Variants in RASL11B observed in about 807,000 individuals in gnomAD.
RASL11B encodes the protein RAS like family 11 member B.
In RASL11B, 14 loss-of-function variants were observed where a neutral mutation model predicts 22.9. That is an observed-to-expected ratio of 0.61 (90% CI 0.40 to 0.96). The LOEUF is 0.96. RASL11B is among the 40% of genes least tolerant of loss of function. RASL11B has a pLI of 0.00. For missense variants in RASL11B, 261 were observed against 322.0 expected (o/e 0.81, Z 1.45); for synonymous variants, 143 against 130.2 (o/e 1.10, Z -0.67).
chr4:52,865,092 G>T (rs1209609174), intron 3 of RASL11B, among the ~76,000 whole-genome samples: 1 of 152,156 alleles, frequency 6.6e-6, no homozygotes, highest in Non-Finnish European at 1.5e-5. Context: ...AAGTCGCTCT[G>T]CATGGAGTTC....
chr4:52,864,810 T>C (rs987890982), intron 3 of RASL11B, among the ~76,000 whole-genome samples: 42 of 152,214 alleles, frequency 2.8e-4, no homozygotes, highest in African/African-American at 9.9e-4. Context: ...CCGAATGCAG[T>C]TGGAATTGGT....
intron 2 of RASL11B, 74 bp from the exon 3 acceptor site, chr4:52,864,404 C>T (rs1370232898): frequency 4.3e-6 from 4 of 934,132 alleles, no homozygotes; most frequent in East Asian, 2.4e-5. Flanking sequence ...CATTTTTTTT[C>T]TAGCTTAAAA....
Position 52,865,509 on chromosome 4 carries a change from G to T in RASL11B, c.451G>T (p.Ala151Ser). Residue 151 changes from alanine (A) to serine (S), a missense_variant, in exon 4 of 4, where the codon GCC becomes TCC. Physicochemically the swap from Ala to Ser is moderately conservative, Grantham distance 99. Coordinates refer to ENST00000248706, the MANE Select transcript of RASL11B (RefSeq NM_023940.3). ...LGTRLPVVVV[A>S]NKADLLHIKQ... is the part of the protein sequence containing the mutation. Reference sequence around the variant, plus strand: ...CACCCGGCTGCCTGTGGTGGTCGTGGCCAACAAAGCTGACCTGTTGCACAT... The same window carrying T: ...CACCCGGCTGCCTGTGGTGGTCGTGTCCAACAAAGCTGACCTGTTGCACAT... 6.2e-7 allele frequency: 1 copy of T among 1,614,214 alleles called. No homozygotes were observed. The highest frequency in any genetic ancestry group is 8.5e-7 in the Non-Finnish European group (1 of 1,180,040).
intron 2 of RASL11B, 21 bp from the exon 3 acceptor site, chr4:52,864,457 C>G (rs555847079): frequency 1.2e-5 from 17 of 1,457,798 alleles, no homozygotes; most frequent in East Asian, 1.1e-4. Flanking sequence ...AGAACATAAT[C>G]TCTTTTATTT....
At chr4:52,864,917 G>A (rs76230556) in intron 3 of RASL11B, among the ~76,000 whole-genome samples, 98 of 152,246 alleles carry the variant, frequency 6.4e-4, no homozygotes, top group African/African-American at 2.3e-3. Context: ...ACTTGGAATC[G>A]CTTTTGTACT....
rs1219863454 is a variant in RASL11B at position 52,866,366 on chromosome 4, A to G, written c.*561A>G. On this transcript the variant is annotated 3_prime_UTR_variant, in exon 4 of 4. Coordinates refer to ENST00000248706, the MANE Select transcript of RASL11B (RefSeq NM_023940.3). Reference sequence around the variant, plus strand: ...CCAGATTTCTTTCTTTATGTACAAGATGGAAAATCCCCTACCCCTCAAAAA... The same window carrying G: ...CCAGATTTCTTTCTTTATGTACAAGGTGGAAAATCCCCTACCCCTCAAAAA... 1 of 153,760 alleles carries G rather than the reference A, an allele frequency of 6.5e-6. No homozygotes were observed. Among genetic ancestry groups the G allele is most frequent in the African/African-American group, 2.4e-5 (1 of 41,418 alleles). The allele number at this position is 153,760 out of a possible 1,614,324, so 9.5% of individuals were successfully genotyped here. A position where few individuals can be genotyped will look rare whatever the true frequency, so the allele number is the denominator to read the frequency against.
chr4:52,864,222 GAAAC>G (rs1296778448), intron 2 of RASL11B: 2 of 365,898 alleles, frequency 5.5e-6, no homozygotes, highest in Non-Finnish European at 9.8e-6. Context: ...TCTAAAAATG[GAAAC>G]TTTGTTTAAA....
In RASL11B at chr4:52,862,485, CGCGGTGCGCCGCAGCCGAG is replaced by C. The variant is rs1204275187; in HGVS notation, c.-19_-1del. On this transcript the variant is annotated 5_prime_UTR_variant, in exon 1 of 4. Coordinates refer to ENST00000248706, the MANE Select transcript of RASL11B (RefSeq NM_023940.3). ...TCTCCAGTCCCTCAGTCCCTTCCCG[CGCGGTGCGCCGCAGCCGAG>C]GCGATGCGCCTCATTCAGAACATGT... 1 of 1,600,192 alleles carries C rather than the reference CGCGGTGCGCCGCAGCCGAG, an allele frequency of 6.2e-7. No homozygotes were observed.
chr4:52,865,541 G>C lies in RASL11B; in HGVS notation c.483G>C (p.Gln161His). The C allele has an allele frequency of 6.2e-7, 1 of 1,614,232 alleles. No homozygotes were observed. The highest frequency in any genetic ancestry group is 8.5e-7 in the Non-Finnish European group (1 of 1,180,042). ...ANKADLLHIKQVDPQLGLQLA... is the reference protein window; with the variant it reads ...ANKADLLHIKHVDPQLGLQLA... The stretch of plus-strand genomic sequence containing the variant: ...AAGCTGACCTGTTGCACATCAAACA[G>C]GTTGACCCTCAGCTTGGACTGCAGC... The change falls in exon 4 of 4, where the codon CAG (glutamine) becomes CAC (histidine). Residue 161 changes from glutamine to histidine, a missense_variant. Transcript: ENST00000248706.
At chr4:52,864,619 C>T in intron 3 of RASL11B, 65 bp downstream of exon 3, 1 of 1,018,828 alleles carries the variant, frequency 9.8e-7, no homozygotes, top group Non-Finnish European at 1.6e-6. Context: ...CTCACTTCTT[C>T]TCAAAGTTCC....
chr4:52,865,325 T>G lies in RASL11B; in HGVS notation c.277-10T>G. The G allele has an allele frequency of 3.8e-6, 6 of 1,594,312 alleles. No individual in the cohort carries two copies. Among genetic ancestry groups the G allele is most frequent in the Non-Finnish European group, 5.1e-6 (6 of 1,166,326 alleles). ...CCAGCATTCACCTTGCCATCACTCC[T>G]CTCTTTCAGGTCCATGAGAACAGCC... On this transcript the variant is annotated splice_polypyrimidine_tract_variant and intron_variant, in intron 3 of 3. Transcript: ENST00000248706.
chr4:52,865,452 C>G lies in RASL11B; in HGVS notation c.394C>G (p.Leu132Val), dbSNP rs1391047204. 6.2e-7 allele frequency: 1 copy of G among 1,614,236 alleles called. No homozygotes were observed. The highest frequency in any genetic ancestry group is 2.2e-5 in the East Asian group (1 of 44,882). Residue 132 changes from leucine to valine, a missense_variant, in exon 4 of 4, where the codon CTC becomes GTC. Transcript: ENST00000248706. ...CAAGAGCTATGAACTCATCAGCCAGCTCCACCAGCACGTGCAGCAGCTACA... is the reference window on the plus strand; with the variant it reads ...CAAGAGCTATGAACTCATCAGCCAGGTCCACCAGCACGTGCAGCAGCTACA... ...DYKSYELISQ[L>V]HQHVQQLHLG...
In RASL11B at chr4:52,862,408, C is replaced by A; in HGVS notation, c.-100C>A. 1.6e-5 allele frequency: 16 copies of A among 1,019,856 alleles called. No individual in the cohort carries two copies. Among genetic ancestry groups the A allele is most frequent in the Middle Eastern group, 3.1e-4 (1 of 3,196 alleles). The allele number at this position is 1,019,856 out of a possible 1,614,324, so 63.2% of individuals were successfully genotyped here. Reference sequence around the variant, plus strand: ...CTTATTTATTGTTGTTATTTCTTACCGCGGAGCCCCGCAGTCGGGTCCTCC... The same window carrying A: ...CTTATTTATTGTTGTTATTTCTTACAGCGGAGCCCCGCAGTCGGGTCCTCC... On this transcript the variant is annotated 5_prime_UTR_variant, in exon 1 of 4. Transcript: ENST00000248706.
In RASL11B at chr4:52,866,617, C is replaced by T. The variant is rs1458396388; in HGVS notation, c.*812C>T. 6.6e-6 allele frequency: 1 copy of T among 152,510 alleles called. No homozygotes were observed. 9.4% of individuals were successfully genotyped at this position (152,510 alleles called of 1,614,324 possible). Reference sequence around the variant, plus strand: ...AATGTGTCAGTTGATTTTGGTGTGACTTGTGTAAATGGTTCATGGCAATGA... The same window carrying T: ...AATGTGTCAGTTGATTTTGGTGTGATTTGTGTAAATGGTTCATGGCAATGA... On this transcript the variant is annotated 3_prime_UTR_variant, in exon 4 of 4. Transcript: ENST00000248706.
chr4:52,866,764 A>G lies in RASL11B; in HGVS notation c.*959A>G, dbSNP rs1718269440. Reference sequence around the variant, plus strand: ...ACATCCCCTCCACAGATGCACTTTAAAAAGCCACTCATGCTTTGGCTTAAA... The same window carrying G: ...ACATCCCCTCCACAGATGCACTTTAGAAAGCCACTCATGCTTTGGCTTAAA... On this transcript the variant is annotated 3_prime_UTR_variant, in exon 4 of 4. Coordinates refer to ENST00000248706, the MANE Select transcript of RASL11B (RefSeq NM_023940.3). The G allele has an allele frequency of 6.5e-6, 1 of 152,692 alleles. No homozygotes were observed. The highest frequency in any genetic ancestry group is 2.1e-4 in the South Asian group (1 of 4,836). The allele number at this position is 152,692 out of a possible 1,614,324, so 9.5% of individuals were successfully genotyped here.
At chr4:52,863,593 AGC>A (rs1405305039) in intron 2 of RASL11B, 7 of 457,336 alleles carry the variant, frequency 1.5e-5, no homozygotes, top group Admixed American at 3.3e-5. Flanking sequence ...CCCAGTTGGA[AGC>A]ACCCTTTGTA....
At chr4:52,863,389 G>T in intron 2 of RASL11B, 65 bp downstream of exon 2, 1 of 1,370,742 alleles carries the variant, frequency 7.3e-7, no homozygotes, top group Non-Finnish European at 1.0e-6. Context: ...CCATTTTCCA[G>T]CGCTTCCCAG....
intron 3 of RASL11B, among the ~76,000 whole-genome samples, chr4:52,865,094 A>G (rs1263708834): frequency 6.6e-6 from 1 of 152,166 alleles, no homozygotes; most frequent in Non-Finnish European, 1.5e-5. Context: ...GTCGCTCTGC[A>G]TGGAGTTCTC....
At chr4:52,864,394 C>A in intron 2 of RASL11B, 84 bp from the exon 3 acceptor site, 2 of 841,038 alleles carry the variant, frequency 2.4e-6, no homozygotes, top group Non-Finnish European at 4.0e-6. Context: ...ATGCATTGTG[C>A]ATTTTTTTTC....
Sources: allele counts gnomAD v4.1 joint callset (sites outside exome capture counted in the v4.1 genomes callset), GRCh38; gene constraint gnomAD v4.1.1; transcripts MANE v1.5; gene names NCBI Gene and HGNC (gene_info 2026-07-23, HGNC 2026-07-21).